The following AVL9 variants were observed in gnomAD, a reference collection of about 807,000 sequenced individuals.
AVL9 encodes AVL9 cell migration associated.
In AVL9, 49 loss-of-function variants were observed where a neutral mutation model predicts 79.2. The ratio of observed to expected loss-of-function variants is 0.62; its 90% CI spans 0.49 to 0.79. The LOEUF is 0.79. AVL9 is among the 30% of genes least tolerant of loss of function. The probability of loss-of-function intolerance (pLI) is 0.00; values close to 1 mark genes in which losing one functional copy is unlikely to be tolerated. For missense variants in AVL9, 682 were observed against 776.8 expected, an observed-to-expected ratio of 0.88 and a Z score of 1.45; for synonymous variants, 299 against 280.6, an observed-to-expected ratio of 1.07 and a Z score of -0.65.
At chr7:32,505,379 C>G (rs1261178289) in intron 1 of AVL9, among the ~76,000 whole-genome samples, 1 of 151,638 alleles carries the variant, frequency 6.6e-6, no homozygotes, top group Non-Finnish European at 1.5e-5. Context: ...CCAAAATTAG[C>G]CAGGCATGTA....
intron 1 of AVL9, among the ~76,000 whole-genome samples, chr7:32,519,914 A>G (rs897671826): frequency 6.6e-6 from 1 of 152,190 alleles, no homozygotes; most frequent in East Asian, 1.9e-4. Context: ...ACATCTTCAC[A>G]TGTGGAAGTG....
chr7:32,545,055 A>T (rs1397044211), intron 3 of AVL9, among the ~76,000 whole-genome samples: 1 of 152,192 alleles, frequency 6.6e-6, no homozygotes, highest in Non-Finnish European at 1.5e-5. Context: ...CTGTATTTAC[A>T]TTTCAAGATG....
intron 1 of AVL9, among the ~76,000 whole-genome samples, chr7:32,505,697 C>T (rs1033653449): frequency 6.6e-6 from 1 of 152,128 alleles, no homozygotes; most frequent in Non-Finnish European, 1.5e-5. Flanking sequence ...CAGTTCTCCA[C>T]TTGCGTTCTT....
At chr7:32,580,122 T>G (rs1434282900) in intron 13 of AVL9, 97 bp from the exon 14 acceptor site, 2 of 946,700 alleles carry the variant, frequency 2.1e-6, no homozygotes, top group Non-Finnish European at 3.3e-6. Flanking sequence ...CCCAGCTGTG[T>G]TGTCCATGAG....
intron 1 of AVL9, among the ~76,000 whole-genome samples, chr7:32,506,533 A>G (rs529734030): frequency 3.9e-5 from 6 of 152,186 alleles, no homozygotes; most frequent in Non-Finnish European, 7.3e-5. Context: ...ATGGCACACA[A>G]TTTAAGACTT....
chr7:32,552,388 C>T, intron 6 of AVL9, 93 bp downstream of exon 6: 1 of 706,936 alleles, frequency 1.4e-6, no homozygotes, highest in Non-Finnish European at 2.5e-6. Context: ...AGAATTACAT[C>T]TCTATATGGG....
intron 6 of AVL9, 129 bp from the exon 7 acceptor site, chr7:32,553,598 T>C (rs1324092522): frequency 1.5e-6 from 1 of 655,458 alleles, no homozygotes; most frequent in East Asian, 2.6e-5. Flanking sequence ...ATTACAGAAA[T>C]ATTTGGATAT....
chr7:32,518,245 A>G (rs780845854), intron 1 of AVL9, among the ~76,000 whole-genome samples: 5 of 152,242 alleles, frequency 3.3e-5, no homozygotes, highest in Non-Finnish European at 5.9e-5. Flanking sequence ...TTACTTAGGT[A>G]AACACCTGAA....
intron 11 of AVL9, among the ~76,000 whole-genome samples, chr7:32,571,027 C>T (rs1790816611): frequency 1.4e-5 from 2 of 146,654 alleles, no homozygotes; most frequent in South Asian, 2.2e-4. Context: ...GTCAGGAGTT[C>T]GAGACCAGCC....
At chr7:32,545,917 TG>T (rs1789475267) in intron 3 of AVL9, among the ~76,000 whole-genome samples, 1 of 151,980 alleles carries the variant, frequency 6.6e-6, no homozygotes, top group Non-Finnish European at 1.5e-5. Context: ...CTAGGATGAG[TG>T]GGTCTGCCCC....
Position 32,586,239 on chromosome 7 carries a change from A to G in AVL9, c.*2332A>G, listed in dbSNP as rs192433926. The G allele has an allele frequency of 2.0e-5, 3 of 152,370 alleles. No homozygotes were observed. The allele number at this position is 152,370 out of a possible 1,614,324, so 9.4% of individuals were successfully genotyped here. ...GACTTTCTATTAACATTTCTAGCTA[A>G]GAGTTTGACTCTTAGTGGTCACTTT... On this transcript the variant is annotated 3_prime_UTR_variant, in exon 16 of 16. Coordinates refer to ENST00000318709, the MANE Select transcript of AVL9 (RefSeq NM_015060.3).
At chr7:32,510,466 T>C (rs1787616450) in intron 1 of AVL9, among the ~76,000 whole-genome samples, 1 of 145,078 alleles carries the variant, frequency 6.9e-6, no homozygotes, top group African/African-American at 2.6e-5. Flanking sequence ...GGAAGCCATC[T>C]CTCCAGGGTG....
At chr7:32,522,013 G>A (rs556405665) in intron 1 of AVL9, among the ~76,000 whole-genome samples, 1 of 152,324 alleles carries the variant, frequency 6.6e-6, no homozygotes, top group East Asian at 1.9e-4. Flanking sequence ...AAGAATTGAG[G>A]TTTGGGAACC....
intron 8 of AVL9, among the ~76,000 whole-genome samples, chr7:32,555,399 C>A (rs575143264): frequency 4.8e-4 from 73 of 152,314 alleles, no homozygotes; most frequent in African/African-American, 1.6e-3. Flanking sequence ...CTATTACAGG[C>A]CACACACATG....
chr7:32,536,918 T>A (rs965292680), intron 1 of AVL9: 6 of 152,228 alleles, frequency 3.9e-5, no homozygotes, highest in Non-Finnish European at 7.3e-5. Context: ...TCAGGGAGTT[T>A]CCATGCCATC....
At chr7:32,576,107 A>G (rs766039253) in intron 13 of AVL9, 35 bp downstream of exon 13, 1 of 1,462,316 alleles carries the variant, frequency 6.8e-7, no homozygotes, top group Non-Finnish European at 9.6e-7. Flanking sequence ...TAGTACATAA[A>G]TGGTTGGTTT....
intron 1 of AVL9, among the ~76,000 whole-genome samples, chr7:32,522,725 G>C (rs949816728): frequency 2.0e-5 from 3 of 152,048 alleles, no homozygotes; most frequent in Admixed American, 1.3e-4. Context: ...GAGGGCGCAG[G>C]GGTGTGATAT....
intron 11 of AVL9, 113 bp from the exon 12 acceptor site, chr7:32,573,074 TTTGAGAATGCCA>T (rs1352961560): frequency 7.2e-6 from 5 of 698,142 alleles, no homozygotes; most frequent in Non-Finnish European, 1.2e-5. Flanking sequence ...AGACTCACCT[TTTGAGAATGCCA>T]TTATTCATAT....
chr7:32,505,545 A>T (rs967928032), intron 1 of AVL9, among the ~76,000 whole-genome samples: 1 of 152,084 alleles, frequency 6.6e-6, no homozygotes, highest in Non-Finnish European at 1.5e-5. Flanking sequence ...AGAAAGAAAG[A>T]AACCCTTCTA....
Sources: gnomAD v4.1 joint callset for allele counts (sites outside exome capture counted in the v4.1 genomes callset) on GRCh38, gnomAD v4.1.1 for gene constraint, MANE v1.5 for transcripts, NCBI Gene and HGNC (gene_info 2026-07-23, HGNC 2026-07-21) for gene names.